Variants in HMGCLL1 observed in about 807,000 individuals in gnomAD.
HMGCLL1 encodes the protein 3-hydroxymethyl-3-methylglutaryl-CoA lyase, cytoplasmic.
Under a neutral mutation model 39.1 loss-of-function variants are expected in HMGCLL1, and 36 were observed. The ratio of observed to expected loss-of-function variants is 0.92; its 90% CI spans 0.71 to 1.22. The LOEUF (loss-of-function observed/expected upper bound fraction) is 1.22, where lower values mean the gene tolerates loss of function less well. Among genes scored for constraint, HMGCLL1 ranks in the 50% most tolerant of loss-of-function variants. HMGCLL1 has a pLI of 0.00. For synonymous variants in HMGCLL1, 149 were observed against 144.0 expected (o/e 1.03, Z -0.25); for missense variants, 451 against 416.5 (o/e 1.08, Z -0.72).
the HMGCLL1 span, among the ~76,000 whole-genome samples, chr6:55,591,367 A>C: frequency 2.6e-5 from 4 of 151,930 alleles, no homozygotes; most frequent in African/African-American, 4.8e-5. Flanking sequence ...GCCTTCTTCT[A>C]GGGTTTAAAC....
the HMGCLL1 span, among the ~76,000 whole-genome samples, chr6:55,601,820 A>C: frequency 6.6e-6 from 1 of 152,192 alleles, no homozygotes; most frequent in South Asian, 2.1e-4. Context: ...AATTTCACAT[A>C]TTAAATAAAG....
At chr6:55,436,946 T>C (rs1330234326) in intron 8 of HMGCLL1, among the ~76,000 whole-genome samples, 1 of 151,974 alleles carries the variant, frequency 6.6e-6, no homozygotes, top group Admixed American at 6.6e-5. Context: ...GGAGTATCTG[T>C]TTAACATCCT....
rs1763806792 is a variant in HMGCLL1 at position 55,445,855 on chromosome 6, T to A, written c.796-6296A>T. Among the ~76,000 whole-genome samples, 6 of 152,204 alleles carry A rather than the reference T, an allele frequency of 3.9e-5. No individual in the cohort carries two copies. The South Asian group carries it at 1.2e-3, about 32-fold the overall frequency. On this transcript the variant is annotated intron_variant, in intron 7 of 8. Transcript: ENST00000274901. ...AGCACCAAAATCCACCAGGTTAAAG[T>A]CAAACATTTACAACCCCACTCACTG... is the stretch of plus-strand genomic sequence containing the variant.
At chr6:55,519,639 T>C (rs1767932088) in intron 3 of HMGCLL1, among the ~76,000 whole-genome samples, 2 of 152,088 alleles carry the variant, frequency 1.3e-5, no homozygotes, top group Admixed American at 1.3e-4. Context: ...TTTTAGGATA[T>C]TGTAATAAAA....
intron 7 of HMGCLL1, among the ~76,000 whole-genome samples, chr6:55,441,929 G>T (rs76905518): frequency 0.067 from 10,182 of 151,934 alleles, 424 homozygotes; most frequent in East Asian, 0.17. Flanking sequence ...AACCTCAAGT[G>T]ATCCCCCCTC....
At chr6:55,517,630 C>CA (rs1767809983) in intron 3 of HMGCLL1, among the ~76,000 whole-genome samples, 3 of 151,474 alleles carry the variant, frequency 2.0e-5, no homozygotes, top group South Asian at 2.1e-4. Context: ...TAAATCCAAA[C>CA]AAAAAATGCT....
chr6:55,529,499 GA>G (rs5876458), intron 3 of HMGCLL1, among the ~76,000 whole-genome samples: 98,268 of 151,466 alleles, frequency 0.65, 32,148 homozygotes, highest in Admixed American at 0.71. Context: ...ACTGGCTGTG[GA>G]AAAAAAAGGG....
chr6:55,642,165 T>C, the HMGCLL1 span, among the ~76,000 whole-genome samples: 6 of 141,504 alleles, frequency 4.2e-5, no homozygotes, highest in Admixed American at 3.7e-4. Context: ...GGTGTTTGGT[T>C]TTTTGTTCTT....
the HMGCLL1 span, among the ~76,000 whole-genome samples, chr6:55,640,145 A>G: frequency 6.6e-6 from 1 of 151,974 alleles, no homozygotes; most frequent in African/African-American, 2.4e-5. Flanking sequence ...TAAGAAGAGG[A>G]GGAGGGGCAG....
the HMGCLL1 span, among the ~76,000 whole-genome samples, chr6:55,622,685 A>G: frequency 4.6e-5 from 7 of 152,082 alleles, no homozygotes; most frequent in East Asian, 1.3e-3. Flanking sequence ...GGATTTTTAC[A>G]TCAACGTTCA....
the HMGCLL1 span, among the ~76,000 whole-genome samples, chr6:55,641,878 TTTTATTTATTTA>T: frequency 0.12 from 15,533 of 129,704 alleles, 1,001 homozygotes; most frequent in East Asian, 0.18. Context: ...TTTTTTTTAT[TTTTATTTATTTA>T]TTTATTTATT....
the HMGCLL1 span, among the ~76,000 whole-genome samples, chr6:55,654,249 T>A: frequency 6.6e-6 from 1 of 151,658 alleles, no homozygotes; most frequent in South Asian, 2.1e-4. Flanking sequence ...CTGAACTGAC[T>A]GAATTTGACT....
chr6:55,574,663 T>C (rs562576548), intron 1 of HMGCLL1, among the ~76,000 whole-genome samples: 33 of 151,968 alleles, frequency 2.2e-4, no homozygotes, highest in Non-Finnish European at 4.3e-4. Flanking sequence ...AACAGTATGA[T>C]GGCAGTTTGG....
chr6:55,601,957 TC>T, the HMGCLL1 span, among the ~76,000 whole-genome samples: 1 of 152,118 alleles, frequency 6.6e-6, no homozygotes, highest in East Asian at 1.9e-4. Flanking sequence ...ATCCATTCAA[TC>T]CTAATGTGTT....
intron 7 of HMGCLL1, among the ~76,000 whole-genome samples, chr6:55,486,115 A>C: frequency 6.7e-6 from 1 of 149,430 alleles, no homozygotes; most frequent in African/African-American, 2.4e-5. Context: ...GTGTGTGTGT[A>C]TATATATAGT....
At chr6:55,651,926 T>G in the HMGCLL1 span, among the ~76,000 whole-genome samples, 1 of 152,044 alleles carries the variant, frequency 6.6e-6, no homozygotes, top group African/African-American at 2.4e-5. Flanking sequence ...CTTCCCAAAG[T>G]GCACAGATTC....
the HMGCLL1 span, among the ~76,000 whole-genome samples, chr6:55,670,641 A>G: frequency 6.6e-6 from 1 of 151,790 alleles, no homozygotes; most frequent in South Asian, 2.1e-4. Flanking sequence ...TTCTTAATAG[A>G]CTGTTAATAG....
the HMGCLL1 span, among the ~76,000 whole-genome samples, chr6:55,610,813 C>A: frequency 6.6e-6 from 1 of 152,070 alleles, no homozygotes; most frequent in East Asian, 1.9e-4. Context: ...CAAAGGGAAG[C>A]CCATCAGATT....
the HMGCLL1 span, among the ~76,000 whole-genome samples, chr6:55,640,207 C>T: frequency 1.3e-5 from 2 of 151,936 alleles, no homozygotes. Flanking sequence ...GGCAGTGTCT[C>T]CAAAAGTTGA....
Sources: allele counts gnomAD v4.1 joint callset (sites outside exome capture counted in the v4.1 genomes callset), GRCh38; gene constraint gnomAD v4.1.1; transcripts MANE v1.5; gene names NCBI Gene and HGNC (gene_info 2026-07-23, HGNC 2026-07-21).